Variants in CRPPA observed in about 807,000 individuals in gnomAD.
The protein encoded by CRPPA is D-ribitol-5-phosphate cytidylyltransferase.
In CRPPA, 43 loss-of-function variants were observed where a neutral mutation model predicts 52.0. The ratio of observed to expected loss-of-function variants is 0.83; its 90% CI spans 0.65 to 1.07. The LOEUF (loss-of-function observed/expected upper bound fraction) is 1.07. CRPPA is among the 50% of genes least tolerant of loss of function. The pLI, the probability that CRPPA is intolerant of heterozygous loss-of-function variation, is 0.00. For synonymous variants in CRPPA, 250 were observed against 203.5 expected (o/e 1.23, Z -1.94); for missense variants, 629 against 551.7 (o/e 1.14, Z -1.40).
intron 9 of CRPPA, among the ~76,000 whole-genome samples, chr7:16,195,465 A>G (rs1273416337): frequency 1.3e-5 from 2 of 152,120 alleles, no homozygotes; most frequent in African/African-American, 4.8e-5. Context: ...AGCCAATATT[A>G]GATCTAACTG....
chr7:16,091,690 G>A lies in CRPPA; in HGVS notation c.*5C>T. 6.6e-7 allele frequency: 1 copy of A among 1,504,136 alleles called. No homozygotes were observed. Among genetic ancestry groups the A allele is most frequent in the Non-Finnish European group, 9.0e-7 (1 of 1,108,382 alleles). 93.2% of individuals were successfully genotyped at this position (1,504,136 alleles called of 1,614,324 possible). On this transcript the variant is annotated 3_prime_UTR_variant, in exon 10 of 10. Coordinates refer to ENST00000407010, the MANE Select transcript of CRPPA (RefSeq NM_001101426.4). ...TTTTAGAAAATAGGTAATTTTTTGT[G>A]TTCTTCATGCTATCAGAAGCTGACC...
intron 3 of CRPPA, among the ~76,000 whole-genome samples, chr7:16,342,787 A>C (rs1368658409): frequency 1.9e-5 from 1 of 52,684 alleles, no homozygotes; most frequent in Non-Finnish European, 4.6e-5. Flanking sequence ...AAAAAAATAT[A>C]TATATATATA....
At chr7:16,249,236 T>C (rs1289978091) in intron 8 of CRPPA, among the ~76,000 whole-genome samples, 2 of 152,042 alleles carry the variant, frequency 1.3e-5, no homozygotes, top group Non-Finnish European at 2.9e-5. Context: ...AGTCAGGGGC[T>C]TATAGATAAA....
intron 3 of CRPPA, among the ~76,000 whole-genome samples, chr7:16,343,837 T>A (rs973424375): frequency 1.2e-4 from 19 of 152,174 alleles, no homozygotes; most frequent in Admixed American, 3.3e-4. Context: ...TCTCTGCACA[T>A]GTACAAAGTG....
chr7:16,112,455 A>T (rs537729429), intron 9 of CRPPA, among the ~76,000 whole-genome samples: 1 of 152,326 alleles, frequency 6.6e-6, no homozygotes, highest in East Asian at 1.9e-4. Context: ...ACAGCAAAAA[A>T]GAAGTCATAT....
At position 16,307,915 on chromosome 7, in the gene CRPPA, GAAA is replaced by G. The variant is rs34460874; in HGVS notation, c.789+605_789+607del. Reference sequence around the variant, plus strand: ...TGTAGCTTTAATCAAACTGAGTGAAGAAAAAAAAAAAAAAAAAAGGCTATTGAT... The same window carrying G: ...TGTAGCTTTAATCAAACTGAGTGAAGAAAAAAAAAAAAAAAGGCTATTGAT... On this transcript the variant is annotated intron_variant, in intron 4 of 9. Transcript: ENST00000407010. 1.4e-3 allele frequency among the ~76,000 whole-genome samples: 179 copies of G among 131,234 alleles called. 1 individual carries two copies. Among genetic ancestry groups the G allele is most frequent in the East Asian group, 4.2e-3 (19 of 4,516 alleles). 86.1% of individuals were successfully genotyped at this position (131,234 alleles called of 152,430 possible). A position where few individuals can be genotyped will look rare whatever the true frequency, so the allele number is the denominator to read the frequency against.
intron 8 of CRPPA, among the ~76,000 whole-genome samples, chr7:16,229,670 T>A (rs1030874894): frequency 3.9e-5 from 6 of 152,178 alleles, no homozygotes; most frequent in African/African-American, 1.4e-4. Flanking sequence ...AAAAATGATT[T>A]ACACACAACC....
intron 3 of CRPPA, among the ~76,000 whole-genome samples, chr7:16,325,684 A>G (rs1004803560): frequency 6.6e-6 from 1 of 152,188 alleles, no homozygotes; most frequent in Non-Finnish European, 1.5e-5. Context: ...TATACCATTT[A>G]GATATTCCAT....
intron 3 of CRPPA, among the ~76,000 whole-genome samples, chr7:16,312,269 A>C (rs1562624852): frequency 6.6e-6 from 1 of 152,004 alleles, no homozygotes; most frequent in East Asian, 1.9e-4. Context: ...ACACCTCTCC[A>C]TTTATGTAGT....
intron 1 of CRPPA, 138 bp downstream of exon 1, chr7:16,420,928 G>C (rs1462429004): frequency 1.4e-6 from 1 of 734,644 alleles, no homozygotes; most frequent in East Asian, 3.4e-5. Flanking sequence ...ATGCGGGAGG[G>C]AACAGAGCTC....
chr7:16,198,564 C>G lies in CRPPA; in HGVS notation c.1251+17502G>C, dbSNP rs1418251492. ...CTGGCGGGATCCTCCATATGCTGAA[C>G]GCTGGTTCCCCGGGTCCCCTTATTT... On this transcript the variant is annotated intron_variant, in intron 9 of 9. Transcript: ENST00000407010. Among the ~76,000 whole-genome samples the G allele has an allele frequency of 1.5e-5, 2 of 131,162 alleles. 1 individual carries two copies. Among genetic ancestry groups the G allele is most frequent in the African/African-American group, 6.1e-5 (2 of 32,928 alleles). 86.0% of individuals were successfully genotyped at this position (131,162 alleles called of 152,430 possible). A position where few individuals can be genotyped will look rare whatever the true frequency, so the allele number is the denominator to read the frequency against.
At chr7:16,283,803 C>CTT (rs1784369032) in intron 5 of CRPPA, among the ~76,000 whole-genome samples, 1 of 151,828 alleles carries the variant, frequency 6.6e-6, no homozygotes, top group African/African-American at 2.4e-5. Context: ...CTGCATGTCT[C>CTT]ACTGGGTTTT....
chr7:16,122,672 C>T (rs1782501564), intron 9 of CRPPA, among the ~76,000 whole-genome samples: 1 of 151,986 alleles, frequency 6.6e-6, no homozygotes, highest in African/African-American at 2.4e-5. Context: ...GAAGTAAAAA[C>T]ATAAACTCAT....
chr7:16,115,678 G>A (rs1300500029), intron 9 of CRPPA, among the ~76,000 whole-genome samples: 2 of 152,160 alleles, frequency 1.3e-5, no homozygotes, highest in Non-Finnish European at 2.9e-5. Context: ...AGATGAGTCT[G>A]AAATATCCTT....
At chr7:16,325,547 C>T (rs560446776) in intron 3 of CRPPA, among the ~76,000 whole-genome samples, 9 of 152,258 alleles carry the variant, frequency 5.9e-5, no homozygotes, top group African/African-American at 2.2e-4. Flanking sequence ...CATCTCAAAA[C>T]ACTCCTGAAA....
At chr7:16,125,022 G>A (rs1226070822) in intron 9 of CRPPA, among the ~76,000 whole-genome samples, 1 of 151,978 alleles carries the variant, frequency 6.6e-6, no homozygotes, top group Non-Finnish European at 1.5e-5. Context: ...CACTTTGGGA[G>A]GCAGAGGTGG....
At chr7:16,100,035 T>C (rs1442307918) in intron 9 of CRPPA, among the ~76,000 whole-genome samples, 1 of 152,158 alleles carries the variant, frequency 6.6e-6, no homozygotes, top group African/African-American at 2.4e-5. Context: ...ATAGCCACCT[T>C]CACTCTATCA....
At chr7:16,225,139 A>T (rs955868160) in intron 8 of CRPPA, among the ~76,000 whole-genome samples, 1 of 152,086 alleles carries the variant, frequency 6.6e-6, no homozygotes, top group African/African-American at 2.4e-5. Flanking sequence ...TCAAAGAATT[A>T]AAAAGTAAAT....
Position 16,278,140 on chromosome 7 carries a change from T to A in CRPPA, c.922A>T (p.Ser308Cys). 6.5e-7 allele frequency: 1 copy of A among 1,537,888 alleles called. No individual in the cohort carries two copies. The highest frequency in any genetic ancestry group is 1.7e-5 in the Admixed American group (1 of 57,176). The change falls in exon 6 of 10, where the codon AGT becomes TGT. Residue 308 changes from serine (S) to cysteine (C), a missense_variant. By Grantham distance (112) the Ser-to-Cys change is moderately radical. Coordinates refer to ENST00000407010, the MANE Select transcript of CRPPA (RefSeq NM_001101426.4). ...VGHLLEEVLK[S>C]ELNHVKVTSE... ...CTTTGAATACTTACATTTAATTCAC[T>A]TTTCAGCACTTCTTCAAGAAGATGA...
Sources: allele counts gnomAD v4.1 joint callset (sites outside exome capture counted in the v4.1 genomes callset), GRCh38; gene constraint gnomAD v4.1.1; transcripts MANE v1.5; gene names NCBI Gene and HGNC (gene_info 2026-07-23, HGNC 2026-07-21).